PTPN9: variants seen among roughly 807,000 people sequenced by gnomAD.
PTPN9 encodes protein tyrosine phosphatase non-receptor type 9, also known as tyrosine-protein phosphatase non-receptor type 9.
PTPN9 carries 26 observed loss-of-function variants against 69.8 expected under a neutral mutation model. The observed-to-expected ratio is 0.37, with a 90% confidence interval of 0.27 to 0.52. The LOEUF is 0.52. Ranked by LOEUF, PTPN9 falls within the 20% of genes least tolerant of loss-of-function variation. The probability of loss-of-function intolerance (pLI) is 0.91; values close to 1 mark genes in which losing one functional copy is unlikely to be tolerated. For missense variants in PTPN9, 549 were observed against 740.3 expected, an observed-to-expected ratio of 0.74 and a Z score of 3.00; for synonymous variants, 274 against 272.5, an observed-to-expected ratio of 1.01 and a Z score of -0.05.
chr15:75,484,902 T>C (rs1403675261), intron 8 of PTPN9, among the ~76,000 whole-genome samples: 1 of 152,178 alleles, frequency 6.6e-6, no homozygotes, highest in Non-Finnish European at 1.5e-5. Flanking sequence ...CCATGTTACT[T>C]GGATTTGTGT....
At chr15:75,503,788 C>T (rs1185669732) in intron 7 of PTPN9, among the ~76,000 whole-genome samples, 1 of 120,566 alleles carries the variant, frequency 8.3e-6, no homozygotes, top group Non-Finnish European at 1.8e-5. Flanking sequence ...GGTCAGCCCC[C>T]CGTCCGGGAG....
At chr15:75,540,616 A>G (rs912992162) in intron 1 of PTPN9, among the ~76,000 whole-genome samples, 5 of 151,512 alleles carry the variant, frequency 3.3e-5, no homozygotes, top group African/African-American at 1.2e-4. Context: ...TGGAAGCACT[A>G]CTTCTGCTGC....
chr15:75,503,166 G>A (rs1291938976), intron 7 of PTPN9, among the ~76,000 whole-genome samples: 2 of 150,136 alleles, frequency 1.3e-5, no homozygotes, highest in African/African-American at 4.9e-5. Context: ...TCTCTGCCCG[G>A]CCGCCATCCC....
intron 2 of PTPN9, among the ~76,000 whole-genome samples, chr15:75,524,565 G>A (rs1344042965): frequency 3.3e-5 from 5 of 152,098 alleles, no homozygotes; most frequent in Non-Finnish European, 7.4e-5. Flanking sequence ...GTCACCTGAG[G>A]TCAGGAGTTC....
At chr15:75,499,785 A>G (rs945637617) in intron 7 of PTPN9, among the ~76,000 whole-genome samples, 1 of 152,062 alleles carries the variant, frequency 6.6e-6, no homozygotes, top group African/African-American at 2.4e-5. Flanking sequence ...GGTAGTTGCA[A>G]AAGCACCGAG....
intron 1 of PTPN9, among the ~76,000 whole-genome samples, chr15:75,556,124 G>A (rs2141337699): frequency 6.6e-6 from 1 of 150,866 alleles, no homozygotes; most frequent in African/African-American, 2.4e-5. Flanking sequence ...GAGTGCAGTG[G>A]CACAACCTCG....
intron 1 of PTPN9, chr15:75,570,149 C>T (rs2075142873): frequency 6.6e-6 from 1 of 152,260 alleles, no homozygotes; most frequent in Middle Eastern, 3.4e-3. Flanking sequence ...AAAATTCTCA[C>T]ATCCAAATGA....
intron 1 of PTPN9, among the ~76,000 whole-genome samples, chr15:75,578,125 C>G (rs2075182208): frequency 6.6e-6 from 1 of 152,164 alleles, no homozygotes; most frequent in African/African-American, 2.4e-5. Context: ...TCTGGGATAG[C>G]TGAATAGGGG....
intron 5 of PTPN9, among the ~76,000 whole-genome samples, chr15:75,514,629 A>C (rs2074860441): frequency 6.6e-6 from 1 of 152,166 alleles, no homozygotes; most frequent in African/African-American, 2.4e-5. Context: ...GTGAAAAAAC[A>C]AGCTATAAAT....
At position 75,468,656 on chromosome 15, in the gene PTPN9, CAAGA is replaced by C. The variant is rs1365365229; in HGVS notation, c.*109_*112del. On this transcript the variant is annotated 3_prime_UTR_variant, in exon 13 of 13. Transcript: ENST00000618819. ...GCGTGCACACGTGTGCTGGGAGACA[CAAGA>C]AAGAAGTTGATCCATGGCTTCAGCG... The C allele has an allele frequency of 4.3e-6, 4 of 934,002 alleles. No individual in the cohort carries two copies. The highest frequency in any genetic ancestry group is 6.7e-6 in the Non-Finnish European group (4 of 599,716). The allele number at this position is 934,002 out of a possible 1,614,324, so 57.9% of individuals were successfully genotyped here. A position where few individuals can be genotyped will look rare whatever the true frequency, so the allele number is the denominator to read the frequency against.
In PTPN9 at chr15:75,481,830, T is replaced by TG. The variant is rs199681689; in HGVS notation, c.1063-1917dup. Among the ~76,000 whole-genome samples the TG allele has an allele frequency of 3.6e-3, 346 of 94,964 alleles. 4 individuals are homozygous for TG. Among genetic ancestry groups the TG allele is most frequent in the East Asian group, 0.021 (67 of 3,176 alleles). The allele number at this position is 94,964 out of a possible 152,430, so 62.3% of individuals were successfully genotyped here. ...CCAGCCGCCCCGTCCGGGAGGGAGGTGGGGGGGGGTCAGCGCCCCTGCCTG... is the reference window on the plus strand; with the variant it reads ...CCAGCCGCCCCGTCCGGGAGGGAGGTGGGGGGGGGGTCAGCGCCCCTGCCTG... On this transcript the variant is annotated intron_variant, in intron 8 of 12. Transcript: ENST00000618819.
chr15:75,578,741 C>A lies in PTPN9; in HGVS notation c.36G>T (p.Ala12=). 7.6e-7 allele frequency: 1 copy of A among 1,322,494 alleles called. No homozygotes were observed. The highest frequency in any genetic ancestry group is 2.0e-5 in the South Asian group (1 of 49,800). 81.9% of individuals were successfully genotyped at this position (1,322,494 alleles called of 1,614,324 possible). ...GCTCCTCCTCCGGGGTCAGCTCCGG[C>A]GCCATGTCGGGCCGGGGCGCGGTCG... The part of the protein sequence containing the change: ...EPATAPRPDM[A]PELTPEEEQA... Residue 12 remains alanine (A), a synonymous_variant, in exon 1 of 13, where the codon GCG becomes GCT. Coordinates refer to ENST00000618819, the MANE Select transcript of PTPN9 (RefSeq NM_002833.4).
intron 8 of PTPN9, chr15:75,487,544 G>GC (rs1180184678): frequency 1.3e-5 from 2 of 152,154 alleles, no homozygotes; most frequent in Non-Finnish European, 2.9e-5. Context: ...TATGTGGCAG[G>GC]CACTGTTCTA....
Position 75,578,920 on chromosome 15 carries a change from A to G in PTPN9, c.-144T>C. On this transcript the variant is annotated 5_prime_UTR_variant, in exon 1 of 13. Coordinates refer to ENST00000618819, the MANE Select transcript of PTPN9 (RefSeq NM_002833.4). ...GTGGCCGGCAGGGCCCGGCGCCTGCAGCGGCCGCAAACGCCGCTTCTGCTT... is the reference window on the plus strand; with the variant it reads ...GTGGCCGGCAGGGCCCGGCGCCTGCGGCGGCCGCAAACGCCGCTTCTGCTT... The G allele has an allele frequency of 5.0e-6, 2 of 399,776 alleles. No homozygotes were observed. The highest frequency in any genetic ancestry group is 4.0e-6 in the Non-Finnish European group (1 of 253,058). The allele number at this position is 399,776 out of a possible 1,614,324, so 24.8% of individuals were successfully genotyped here.
intron 1 of PTPN9, among the ~76,000 whole-genome samples, chr15:75,564,390 T>C (rs930577663): frequency 6.6e-6 from 1 of 151,220 alleles, no homozygotes; most frequent in African/African-American, 2.4e-5. Flanking sequence ...GTCAGAAGAT[T>C]GAGACCATCC....
chr15:75,545,037 T>C (rs1021522530), intron 1 of PTPN9, among the ~76,000 whole-genome samples: 29 of 152,144 alleles, frequency 1.9e-4, no homozygotes, highest in African/African-American at 6.5e-4. Context: ...GACCAAACAG[T>C]ATTATAAAGC....
intron 8 of PTPN9, chr15:75,487,241 G>A (rs2074683840): frequency 6.6e-6 from 1 of 150,706 alleles, no homozygotes; most frequent in Middle Eastern, 3.5e-3. Context: ...TAGCCCCATA[G>A]GTGGAAATTC....
At chr15:75,567,307 CGCGCCCA>C (rs1046897759) in intron 1 of PTPN9, among the ~76,000 whole-genome samples, 3 of 151,976 alleles carry the variant, frequency 2.0e-5, no homozygotes, top group Non-Finnish European at 4.4e-5. Context: ...CGTGAGTCAC[CGCGCCCA>C]GCCTTAAATA....
intron 7 of PTPN9, among the ~76,000 whole-genome samples, chr15:75,495,379 AATG>A (rs2141302477): frequency 6.6e-6 from 1 of 152,318 alleles, no homozygotes; most frequent in East Asian, 1.9e-4. Context: ...CTTGGAAACT[AATG>A]ATAACACTGT....
Sources: allele counts gnomAD v4.1 joint callset (sites outside exome capture counted in the v4.1 genomes callset), GRCh38; gene constraint gnomAD v4.1.1; transcripts MANE v1.5; gene names NCBI Gene and HGNC (gene_info 2026-07-23, HGNC 2026-07-21).